MAF: variants seen among roughly 807,000 people sequenced by gnomAD.
The protein encoded by MAF is transcription factor Maf.
MAF carries 10 observed loss-of-function variants against 22.0 expected under a neutral mutation model. That is an observed-to-expected ratio of 0.45 (90% CI 0.28 to 0.77). The LOEUF (loss-of-function observed/expected upper bound fraction) is 0.77, where lower values mean the gene tolerates loss of function less well. Among genes scored for constraint, MAF ranks in the 30% least tolerant of loss-of-function variants. The pLI is 0.12. For synonymous variants in MAF, 337 were observed against 255.8 expected (o/e 1.32, Z -3.03); for missense variants, 544 against 548.4 (o/e 0.99, Z 0.08).
chr16:79,406,330 CT>C, the MAF span, among the ~76,000 whole-genome samples: 9 of 152,206 alleles, frequency 5.9e-5, no homozygotes, highest in Non-Finnish European at 1.3e-4. Flanking sequence ...TTCTTAGTCT[CT>C]TTGGGCTGCT....
chr16:79,553,508 CAA>C, the MAF span, among the ~76,000 whole-genome samples: 1 of 152,322 alleles, frequency 6.6e-6, no homozygotes, highest in East Asian at 1.9e-4. Flanking sequence ...GCACCTTTGT[CAA>C]AGAGATGCCT....
the MAF span, chr16:79,505,713 G>A: frequency 6.6e-6 from 1 of 152,284 alleles, no homozygotes; most frequent in African/African-American, 2.4e-5. Context: ...AATAAGGTGA[G>A]GCGACTGGGG....
chr16:79,490,866 C>T, the MAF span, among the ~76,000 whole-genome samples: 1 of 152,152 alleles, frequency 6.6e-6, no homozygotes, highest in East Asian at 1.9e-4. Context: ...GAAATGGGCT[C>T]TGTGATGTCA....
chr16:79,466,901 G>T, the MAF span, among the ~76,000 whole-genome samples: 1 of 152,204 alleles, frequency 6.6e-6, no homozygotes, highest in Non-Finnish European at 1.5e-5. Flanking sequence ...GCTTTTACCA[G>T]TGTGGAAGAG....
the MAF span, among the ~76,000 whole-genome samples, chr16:79,458,362 C>G: frequency 1.3e-5 from 2 of 152,086 alleles, no homozygotes; most frequent in Non-Finnish European, 2.9e-5. Flanking sequence ...CTCTCTATTA[C>G]CAACAGAAGA....
the MAF span, among the ~76,000 whole-genome samples, chr16:79,493,144 T>TTTG: frequency 8.4e-6 from 1 of 119,370 alleles, no homozygotes; most frequent in African/African-American, 5.4e-5. Context: ...TTTTTTTTTG[T>TTTG]TTTGTTTTGT....
chr16:79,260,327 T>A, the MAF span, among the ~76,000 whole-genome samples: 1 of 152,088 alleles, frequency 6.6e-6, no homozygotes, highest in Non-Finnish European at 1.5e-5. Context: ...ATATTTGAAT[T>A]TTTTTGTAGA....
the MAF span, among the ~76,000 whole-genome samples, chr16:79,422,759 T>C: frequency 1.3e-5 from 2 of 152,164 alleles, no homozygotes; most frequent in African/African-American, 2.4e-5. Context: ...CAGTTACCAT[T>C]CTATTATGTT....
the MAF span, among the ~76,000 whole-genome samples, chr16:79,545,246 TG>T: frequency 6.6e-6 from 1 of 152,186 alleles, no homozygotes; most frequent in Non-Finnish European, 1.5e-5. Flanking sequence ...GACATTGTTT[TG>T]GACCTCAACT....
At chr16:79,397,770 C>A in the MAF span, among the ~76,000 whole-genome samples, 3 of 152,182 alleles carry the variant, frequency 2.0e-5, no homozygotes, top group Admixed American at 6.5e-5. Context: ...AGGGTAGAGC[C>A]CCCCTCCCCG....
the MAF span, among the ~76,000 whole-genome samples, chr16:79,296,510 T>A: frequency 2.0e-5 from 3 of 152,142 alleles, no homozygotes; most frequent in Admixed American, 2.0e-4. Flanking sequence ...TGCACATGTA[T>A]CCTGGAACTT....
the MAF span, chr16:79,229,548 G>A: frequency 0.053 from 8,062 of 152,142 alleles, 739 homozygotes; most frequent in African/African-American, 0.18. Context: ...CCGAAGATGG[G>A]CTGTGAGCGG....
the MAF span, among the ~76,000 whole-genome samples, chr16:79,476,635 C>T: frequency 6.6e-6 from 1 of 152,110 alleles, no homozygotes; most frequent in Non-Finnish European, 1.5e-5. Flanking sequence ...AGGATTCACT[C>T]CTAAGAAAGT....
the MAF span, among the ~76,000 whole-genome samples, chr16:79,467,415 T>G: frequency 6.6e-6 from 1 of 152,214 alleles, no homozygotes; most frequent in African/African-American, 2.4e-5. Context: ...TATCAGGTAC[T>G]GTGCTGGGTG....
chr16:79,210,552 C>CCTCT, the MAF span, among the ~76,000 whole-genome samples: 1 of 152,170 alleles, frequency 6.6e-6, no homozygotes. Context: ...CTTTTCCGGT[C>CCTCT]CTCTCTTGCA....
the MAF span, among the ~76,000 whole-genome samples, chr16:79,385,137 T>C: frequency 3.3e-5 from 5 of 152,192 alleles, no homozygotes; most frequent in Non-Finnish European, 7.3e-5. Context: ...AAATCATTTA[T>C]ACTAATAAAC....
chr16:79,221,599 G>T, the MAF span, among the ~76,000 whole-genome samples: 1 of 152,154 alleles, frequency 6.6e-6, no homozygotes, highest in Non-Finnish European at 1.5e-5. Context: ...TCTTAATCCA[G>T]AAATTCAAAT....
At chr16:79,584,707 C>G (rs1421408072), downstream of MAF, among the ~76,000 whole-genome samples, 7 of 151,864 alleles carry the variant, frequency 4.6e-5, no homozygotes. Flanking sequence ...TGCACAGACT[C>G]AGACACACAA....
chr16:79,582,373 G>C (rs1912574333), downstream of MAF, among the ~76,000 whole-genome samples: 3 of 152,182 alleles, frequency 2.0e-5, no homozygotes, highest in Admixed American at 2.0e-4. Flanking sequence ...TAAGTAATGA[G>C]TGCTGCACTT....
Sources: allele counts gnomAD v4.1 joint callset (sites outside exome capture counted in the v4.1 genomes callset), GRCh38; gene constraint gnomAD v4.1.1; transcripts MANE v1.5; gene names NCBI Gene and HGNC (gene_info 2026-07-23, HGNC 2026-07-21).